CDH22: variants seen among roughly 807,000 people sequenced by gnomAD.
CDH22 encodes the protein cadherin 22, also known as cadherin-22.
CDH22 carries 30 observed loss-of-function variants against 58.4 expected under a neutral mutation model. The ratio of observed to expected loss-of-function variants is 0.51; its 90% confidence interval spans 0.38 to 0.70. CDH22 has a LOEUF of 0.70. Ranked by LOEUF, CDH22 falls within the 30% of genes least tolerant of loss-of-function variation. CDH22 has a pLI of 0.00. For missense variants in CDH22, 1,014 were observed against 1,233.9 expected (o/e 0.82, Z 2.67); for synonymous variants, 513 against 558.2 (o/e 0.92, Z 1.14).
At chr20:46,193,619 G>A (rs2085877398) in intron 8 of CDH22, among the ~76,000 whole-genome samples, 1 of 152,084 alleles carries the variant, frequency 6.6e-6, no homozygotes, top group Non-Finnish European at 1.5e-5. Context: ...GGCCCTTTCT[G>A]TACAGGCCCA....
intron 3 of CDH22, among the ~76,000 whole-genome samples, chr20:46,230,743 G>A (rs1338792688): frequency 6.6e-6 from 1 of 152,204 alleles, no homozygotes; most frequent in Non-Finnish European, 1.5e-5. Context: ...GCTGAGTGAA[G>A]TTAAGTAATG....
intron 8 of CDH22, among the ~76,000 whole-genome samples, chr20:46,195,617 C>A (rs533134839): frequency 7.7e-5 from 11 of 143,558 alleles, no homozygotes; most frequent in South Asian, 2.5e-4. Context: ...CCCCTAGACC[C>A]CCCCCCCACC....
intron 1 of CDH22, among the ~76,000 whole-genome samples, chr20:46,255,824 TC>T (rs1317839417): frequency 6.6e-6 from 1 of 152,002 alleles, no homozygotes; most frequent in Non-Finnish European, 1.5e-5. Context: ...AGCTGTGGAG[TC>T]CTGCAGCTGC....
chr20:46,174,780 G>T lies in CDH22; in HGVS notation c.2213C>A (p.Pro738Gln), dbSNP rs1314186544. ...SERHSLPQGP[P>Q]SPEPDFSVFR... Reference sequence around the variant, plus strand: ...CACTGAGAAGTCTGGCTCGGGGCTCGGCGGCCCCTGCGGCAGCGAGTGGCG... The same window carrying T: ...CACTGAGAAGTCTGGCTCGGGGCTCTGCGGCCCCTGCGGCAGCGAGTGGCG... Residue 738 changes from proline (P) to glutamine (Q), a missense_variant, in exon 12 of 12, where the codon CCG (proline) becomes CAG (glutamine). Pro to Gln is a moderately conservative substitution (Grantham distance 76). Transcript: ENST00000537909. This position sits in a 1 kb window ranked among gnomAD's most constrained non-coding sequence, Gnocchi z 4.4. 5 of 1,514,400 alleles carry T rather than the reference G, an allele frequency of 3.3e-6. No individual in the cohort carries two copies. Among genetic ancestry groups the T allele is most frequent in the Non-Finnish European group, 4.4e-6 (5 of 1,138,506 alleles). The allele number at this position is 1,514,400 out of a possible 1,614,324, so 93.8% of individuals were successfully genotyped here.
intron 1 of CDH22, among the ~76,000 whole-genome samples, chr20:46,264,893 GCACACACACCGTGCGCA>G (rs1198324830): frequency 2.0e-5 from 3 of 148,916 alleles, no homozygotes; most frequent in African/African-American, 4.9e-5. Context: ...CACCGTGCGC[GCACACACACCGTGCGCA>G]CACACACATA....
chr20:46,307,999 G>A (rs904197338), intron 1 of CDH22, among the ~76,000 whole-genome samples: 69 of 151,786 alleles, frequency 4.5e-4, no homozygotes, highest in Admixed American at 2.6e-4. Context: ...GGGAGCTGCG[G>A]GCTTCGGGCC....
At chr20:46,237,845 C>T (rs2145723298) in intron 3 of CDH22, among the ~76,000 whole-genome samples, 1 of 152,328 alleles carries the variant, frequency 6.6e-6, no homozygotes, top group African/African-American at 2.4e-5. Flanking sequence ...CCTTGCCATT[C>T]CAACAACCTG....
intron 1 of CDH22, among the ~76,000 whole-genome samples, chr20:46,287,030 G>C (rs1028474409): frequency 3.3e-5 from 5 of 152,046 alleles, no homozygotes; most frequent in African/African-American, 1.2e-4. Context: ...GCCCTCTGAG[G>C]GATAGAGGGG....
chr20:46,295,965 G>C (rs903075439), intron 1 of CDH22, among the ~76,000 whole-genome samples: 4 of 152,164 alleles, frequency 2.6e-5, no homozygotes, highest in African/African-American at 9.7e-5. Flanking sequence ...GTCTTGCTAT[G>C]TTGCCCAGGC....
chr20:46,210,583 G>T lies in CDH22; in HGVS notation c.1033-23C>A. 1 of 1,423,550 alleles carries T rather than the reference G, an allele frequency of 7.0e-7. No individual in the cohort carries two copies. Among genetic ancestry groups the T allele is most frequent in the Non-Finnish European group, 9.2e-7 (1 of 1,085,266 alleles). The allele number at this position is 1,423,550 out of a possible 1,614,324, so 88.2% of individuals were successfully genotyped here. On this transcript the variant is annotated intron_variant, in intron 6 of 11. Transcript: ENST00000537909. This position sits in a 1 kb window ranked among gnomAD's most constrained non-coding sequence, Gnocchi z 4.5. ...GCGCTGCGGGAGGGAGCAGAGGGCC[G>T]GTTAGTGGGTGGGGTCTGGTGGACA... is the stretch of plus-strand genomic sequence containing the variant.
At chr20:46,215,638 T>C (rs1164686522) in intron 5 of CDH22, among the ~76,000 whole-genome samples, 3 of 152,228 alleles carry the variant, frequency 2.0e-5, no homozygotes, top group Non-Finnish European at 4.4e-5. Context: ...CTGTTGTTTT[T>C]GTGTGCCATA....
In CDH22 at chr20:46,282,999, G is replaced by T. The variant is rs184798339; in HGVS notation, c.-400+25256C>A. 1.8e-3 allele frequency among the ~76,000 whole-genome samples: 273 copies of T among 152,324 alleles called. 1 individual carries two copies. Among genetic ancestry groups the T allele is most frequent in the Non-Finnish European group, 2.7e-3 (181 of 68,026 alleles). On this transcript the variant is annotated intron_variant, in intron 1 of 11. Transcript: ENST00000537909. The stretch of plus-strand genomic sequence containing the variant: ...CAGAGACCCAGGTTCATGGCCCAGG[G>T]CTTCCACAGACTCTGTGCAGCTCTC...
rs1429366813 is a variant in CDH22 at position 46,210,453 on chromosome 20, G to A, written c.1140C>T (p.Ile380=). 1.4e-6 allele frequency: 2 copies of A among 1,436,532 alleles called. No individual in the cohort carries two copies. Among genetic ancestry groups the A allele is most frequent in the Non-Finnish European group, 1.8e-6 (2 of 1,092,542 alleles). The allele number at this position is 1,436,532 out of a possible 1,614,324, so 89.0% of individuals were successfully genotyped here. ...CCACGTCGGTCACGGCCACGCGCAC[G>A]ATCGCCTGGTCGCGGAACGTGCCCA... is the stretch of plus-strand genomic sequence containing the variant. ...ADLGTFRDQA[I]VRVAVTDVDE... is the part of the protein sequence containing the mutation. Residue 380 remains isoleucine (I), a synonymous_variant, in exon 7 of 12, where the codon ATC becomes ATT. Coordinates refer to ENST00000537909, the MANE Select transcript of CDH22 (RefSeq NM_021248.3). This position sits in a 1 kb window ranked among gnomAD's most constrained non-coding sequence, Gnocchi z 4.5.
intron 1 of CDH22, among the ~76,000 whole-genome samples, chr20:46,278,741 A>T (rs2086533992): frequency 6.6e-6 from 1 of 152,026 alleles, no homozygotes; most frequent in South Asian, 2.1e-4. Context: ...GTGCCACCAC[A>T]CCTGGCTATT....
At chr20:46,221,604 C>T (rs1272303136) in intron 4 of CDH22, among the ~76,000 whole-genome samples, 1 of 152,202 alleles carries the variant, frequency 6.6e-6, no homozygotes, top group Non-Finnish European at 1.5e-5. Context: ...ACTTCTGCCA[C>T]ATTCTATTGG....
intron 2 of CDH22, among the ~76,000 whole-genome samples, chr20:46,247,727 C>G (rs1268334132): frequency 6.6e-6 from 1 of 152,168 alleles, no homozygotes; most frequent in Non-Finnish European, 1.5e-5. Flanking sequence ...TTTGAGCCCA[C>G]GCAGTACAGC....
intron 8 of CDH22, among the ~76,000 whole-genome samples, chr20:46,198,630 C>A (rs1424084037): frequency 6.6e-6 from 1 of 152,190 alleles, no homozygotes; most frequent in Non-Finnish European, 1.5e-5. Context: ...AACATCCCTC[C>A]TCTCCCCAAA....
chr20:46,198,331 CAT>C (rs1491215632), intron 8 of CDH22, among the ~76,000 whole-genome samples: 4,545 of 142,984 alleles, frequency 0.032, 74 homozygotes, highest in Non-Finnish European at 0.038. Context: ...CACACACACA[CAT>C]ATTCTTCCAG....
rs762288102 is a variant in CDH22, at chr20:46,227,498, T to C, written c.670+10A>G. 2 of 963,420 alleles carry C rather than the reference T, an allele frequency of 2.1e-6. No homozygotes were observed. Among genetic ancestry groups the C allele is most frequent in the Admixed American group, 2.2e-5 (1 of 45,560 alleles). 59.7% of individuals were successfully genotyped at this position (963,420 alleles called of 1,614,324 possible). A position where few individuals can be genotyped will look rare whatever the true frequency, so the allele number is the denominator to read the frequency against. On this transcript the variant is annotated intron_variant, in intron 4 of 11. Coordinates refer to ENST00000537909, the MANE Select transcript of CDH22 (RefSeq NM_021248.3). ...CACGGCTCCGCCTCTGGCCCCGCCC[T>C]GCCCCTCACCGGTCTTGGGGTCCAC...
Sources: allele counts gnomAD v4.1 joint callset (sites outside exome capture counted in the v4.1 genomes callset), GRCh38; gene constraint gnomAD v4.1.1; non-coding constraint Gnocchi (gnomAD v3.1); transcripts MANE v1.5; gene names NCBI Gene and HGNC (gene_info 2026-07-23, HGNC 2026-07-21).